RSRP1: variants seen among roughly 807,000 people sequenced by gnomAD.
RSRP1 encodes arginine and serine rich protein 1.
In RSRP1, 37 loss-of-function variants were observed where a neutral mutation model predicts 33.0. The observed-to-expected ratio is 1.12, with a 90% CI of 0.86 to 1.48. The LOEUF is 1.48. RSRP1 is among the 40% of genes most tolerant of loss of function. The pLI, the probability that RSRP1 is intolerant of heterozygous loss-of-function variation, is 0.00. For missense variants in RSRP1, 402 were observed against 385.3 expected (o/e 1.04, Z -0.36); for synonymous variants, 167 against 158.7 (o/e 1.05, Z -0.40).
intron 2 of RSRP1, 49 bp downstream of exon 2, chr1:25,246,395 T>C (rs1238967765): frequency 3.1e-6 from 5 of 1,589,596 alleles, no homozygotes; most frequent in Middle Eastern, 1.7e-4. Context: ...CCTACTCATA[T>C]ACTGCCACCA....
At chr1:25,324,611 T>G (rs1644874731) in intron 1 of RSRP1, among the ~76,000 whole-genome samples, 1 of 151,500 alleles carries the variant, frequency 6.6e-6, no homozygotes, top group Non-Finnish European at 1.5e-5. Context: ...AATGTGAAAG[T>G]TTATTACTAG....
At position 25,300,956 on chromosome 1, in the gene RSRP1, A is replaced by C. The variant is rs776018445; in HGVS notation, c.-67+37022T>G. The C allele has an allele frequency of 1.6e-5, 22 of 1,378,564 alleles. 4 individuals carry two copies. The highest frequency in any genetic ancestry group is 3.6e-4 in the Middle Eastern group (2 of 5,498). 85.4% of individuals were successfully genotyped at this position (1,378,564 alleles called of 1,614,324 possible). On this transcript the variant is annotated intron_variant, in intron 1 of 1. Coordinates refer to the RSRP1 transcript ENST00000561867. ...TGGGTTTTATTGCAGACAGACTACC[A>C]CATGAACATGATGCACATCTACGTG...
At position 25,291,342 on chromosome 1, in the gene RSRP1, G is replaced by A. The variant is rs1557529742; in HGVS notation, c.-66-44313C>T. ...AATTTAGCTGGGCATGGTGGCAGGCGCCTGTAATCCCAGCTACTCAGGAGG... is the reference window on the plus strand; with the variant it reads ...AATTTAGCTGGGCATGGTGGCAGGCACCTGTAATCCCAGCTACTCAGGAGG... On this transcript the variant is annotated intron_variant, in intron 1 of 1. Coordinates refer to the RSRP1 transcript ENST00000561867. Among the ~76,000 whole-genome samples, 2 of 130,334 alleles carry A rather than the reference G, an allele frequency of 1.5e-5. 1 individual carries two copies. The highest frequency in any genetic ancestry group is 4.8e-4 in the South Asian group (2 of 4,188). 85.5% of individuals were successfully genotyped at this position (130,334 alleles called of 152,430 possible).
rs1349041963 is a variant in RSRP1 at position 25,288,366 on chromosome 1, G to C, written c.-66-41337C>G. ...TTTTTTTTTTTTTGCTTTTTGTAGAGATGGAGTCTCACTATGTTGCCCAGG... is the reference window on the plus strand; with the variant it reads ...TTTTTTTTTTTTTGCTTTTTGTAGACATGGAGTCTCACTATGTTGCCCAGG... On this transcript the variant is annotated intron_variant, in intron 1 of 1. Coordinates refer to the RSRP1 transcript ENST00000561867. Among the ~76,000 whole-genome samples the C allele has an allele frequency of 5.6e-5, 7 of 124,698 alleles. 2 individuals carry two copies. Among genetic ancestry groups the C allele is most frequent in the Non-Finnish European group, 1.1e-4 (6 of 53,016 alleles). 81.8% of individuals were successfully genotyped at this position (124,698 alleles called of 152,430 possible).
At chr1:25,270,623 G>A (rs1272708596) in intron 1 of RSRP1, among the ~76,000 whole-genome samples, 1 of 131,954 alleles carries the variant, frequency 7.6e-6, no homozygotes, top group Non-Finnish European at 1.8e-5. Flanking sequence ...AAAAAGCTTG[G>A]GGACCCCTGA....
At position 25,296,219 on chromosome 1, in the gene RSRP1, C is replaced by T. The variant is rs1476062519; in HGVS notation, c.-67+41759G>A. On this transcript the variant is annotated intron_variant, in intron 1 of 1. Coordinates refer to the RSRP1 transcript ENST00000561867. ...CTTCATCTGTGTATGTGACTTTAAC[C>T]CCTAAATACTTCAGTGTACATTTCT... Among the ~76,000 whole-genome samples the T allele has an allele frequency of 1.6e-5, 2 of 123,876 alleles. 1 individual carries two copies. The highest frequency in any genetic ancestry group is 3.8e-5 in the Non-Finnish European group (2 of 52,800). 81.3% of individuals were successfully genotyped at this position (123,876 alleles called of 152,430 possible).
chr1:25,250,192 G>T (rs1031513292), upstream of RSRP1, among the ~76,000 whole-genome samples: 1 of 152,142 alleles, frequency 6.6e-6, no homozygotes, highest in African/African-American at 2.4e-5. Context: ...CCAGGTACAG[G>T]GGCTTAAACT....
chr1:25,271,137 A>T (rs1348012750), intron 1 of RSRP1, among the ~76,000 whole-genome samples: 1 of 132,316 alleles, frequency 7.6e-6, no homozygotes, highest in East Asian at 1.9e-4. Flanking sequence ...CTGCTAGTGG[A>T]CATTTAGGTT....
chr1:25,301,474 T>C, intron 1 of RSRP1: 2 of 1,350,932 alleles, frequency 1.5e-6, no homozygotes, highest in Non-Finnish European at 2.1e-6. Context: ...CTCAGACCTT[T>C]GGAGCAGGAG....
At position 25,276,835 on chromosome 1, in the gene RSRP1, A is replaced by G. The variant is rs187736521; in HGVS notation, c.-66-29806T>C. ...TAATCCCAGCACTTTGGGAGGCCAA[A>G]GCAGGCAGATCACGAGGTCTGGAGA... On this transcript the variant is annotated intron_variant, in intron 1 of 1. Coordinates refer to the RSRP1 transcript ENST00000561867. 5.7e-3 allele frequency among the ~76,000 whole-genome samples: 758 copies of G among 132,808 alleles called. 110 individuals carry two copies. Among genetic ancestry groups the G allele is most frequent in the African/African-American group, 0.018 (684 of 38,992 alleles). The allele number at this position is 132,808 out of a possible 152,430, so 87.1% of individuals were successfully genotyped here.
At chr1:25,264,153 C>T (rs1465335251) in intron 1 of RSRP1, among the ~76,000 whole-genome samples, 2 of 151,982 alleles carry the variant, frequency 1.3e-5, no homozygotes, top group Admixed American at 6.5e-5. Context: ...TGCAAGCTGT[C>T]GGTGGATCTA....
rs191729726 is a variant in RSRP1 at position 25,314,555 on chromosome 1, G to A, written c.-67+23423C>T. Among the ~76,000 whole-genome samples, 14 of 132,556 alleles carry A rather than the reference G, an allele frequency of 1.1e-4. 2 individuals carry two copies. Among genetic ancestry groups the A allele is most frequent in the East Asian group, 5.9e-4 (3 of 5,102 alleles). 87.0% of individuals were successfully genotyped at this position (132,556 alleles called of 152,430 possible). A position where few individuals can be genotyped will look rare whatever the true frequency, so the allele number is the denominator to read the frequency against. Reference sequence around the variant, plus strand: ...GTCACCCAGGCTGGAATGCAGTGGCGCTATCTCAGCCCACTACAACCTCTG... The same window carrying A: ...GTCACCCAGGCTGGAATGCAGTGGCACTATCTCAGCCCACTACAACCTCTG... On this transcript the variant is annotated intron_variant, in intron 1 of 1. Coordinates refer to the RSRP1 transcript ENST00000561867.
At chr1:25,295,865 T>G (rs946067798) in intron 1 of RSRP1, among the ~76,000 whole-genome samples, 4,693 of 104,126 alleles carry the variant, frequency 0.045, 1,115 homozygotes, top group Middle Eastern at 0.12. Flanking sequence ...TTTTTTTTTT[T>G]TTTTTTTTTT....
chr1:25,336,569 T>C (rs1239334609), intron 1 of RSRP1: 2 of 148,360 alleles, frequency 1.3e-5, no homozygotes, highest in Admixed American at 6.6e-5. Flanking sequence ...TATTTATAAA[T>C]ATTTGACAAT....
At chr1:25,336,436 T>G (rs1353881566) in intron 1 of RSRP1, 1 of 145,764 alleles carries the variant, frequency 6.9e-6, no homozygotes, top group Admixed American at 6.7e-5. Flanking sequence ...GGCTGGCTTT[T>G]GCTATTTCTA....
At position 25,303,490 on chromosome 1, in the gene RSRP1, T is replaced by A. The variant is rs369072224; in HGVS notation, c.-67+34488A>T. Reference sequence around the variant, plus strand: ...AAACTAGACAACTAACCTCCTCTGCTTTGGCTGAAGGCCAGCAGGACGCTG... The same window carrying A: ...AAACTAGACAACTAACCTCCTCTGCATTGGCTGAAGGCCAGCAGGACGCTG... On this transcript the variant is annotated intron_variant, in intron 1 of 1. Transcript: ENST00000561867. 14 of 1,377,754 alleles carry A rather than the reference T, an allele frequency of 1.0e-5. 1 individual carries two copies. The African/African-American group carries it at 2.0e-4, about 20-fold the overall frequency. 85.3% of individuals were successfully genotyped at this position (1,377,754 alleles called of 1,614,324 possible). A position where few individuals can be genotyped will look rare whatever the true frequency, so the allele number is the denominator to read the frequency against.
intron 1 of RSRP1, among the ~76,000 whole-genome samples, chr1:25,280,434 T>C (rs1286416167): frequency 1.6e-5 from 2 of 127,138 alleles, no homozygotes; most frequent in Admixed American, 1.5e-4. Context: ...GCCTCCTGAG[T>C]AGCTGGGATT....
upstream of RSRP1, chr1:25,247,638 A>T (rs1639593519): frequency 1.3e-5 from 2 of 152,242 alleles, no homozygotes; most frequent in South Asian, 4.1e-4. Flanking sequence ...ATGGGGCTCC[A>T]GGGGGAGGTG....
chr1:25,331,400 G>T lies in RSRP1; in HGVS notation c.-67+6578C>A, dbSNP rs576186473. 3.0e-5 allele frequency among the ~76,000 whole-genome samples: 4 copies of T among 131,730 alleles called. No homozygotes were observed. In the East Asian group the frequency reaches 5.9e-4, roughly 19 times the overall value. 86.4% of individuals were successfully genotyped at this position (131,730 alleles called of 152,430 possible). ...CACTTTAGGGGTTAGGGCTTCAAAA[G>T]ATGAATCTGAGGGAGCTCAATTCAG... On this transcript the variant is annotated intron_variant, in intron 1 of 1. Coordinates refer to the RSRP1 transcript ENST00000561867.
Sources: allele counts gnomAD v4.1 joint callset (sites outside exome capture counted in the v4.1 genomes callset), GRCh38; gene constraint gnomAD v4.1.1; transcripts MANE v1.5; gene names NCBI Gene and HGNC (gene_info 2026-07-23, HGNC 2026-07-21).